LRBA: variants seen among roughly 807,000 people sequenced by gnomAD.
The protein encoded by LRBA is lipopolysaccharide-responsive and beige-like anchor protein.
In LRBA, 176 loss-of-function variants were observed where a neutral mutation model predicts 330.0. The observed-to-expected ratio is 0.53, with a 90% CI of 0.47 to 0.60. LRBA has a LOEUF of 0.60. Among genes scored for constraint, LRBA ranks in the 20% least tolerant of loss-of-function variants. The pLI is 0.00. For missense variants in LRBA, 3,259 were observed against 3,444.8 expected (o/e 0.95, Z 1.35); for synonymous variants, 1,230 against 1,193.0 (o/e 1.03, Z -0.64).
intron 35 of LRBA, 32 bp from the exon 36 acceptor site, chr4:150,735,398 A>ATG: frequency 1.6e-6 from 2 of 1,284,090 alleles, no homozygotes; most frequent in Non-Finnish European, 2.3e-6. Flanking sequence ...AAATAAATAT[A>ATG]TGTATACACA....
intron 53 of LRBA, among the ~76,000 whole-genome samples, chr4:150,288,684 C>T (rs1388710113): frequency 2.0e-5 from 3 of 151,164 alleles, no homozygotes; most frequent in African/African-American, 4.9e-5. Context: ...AAATACCATA[C>T]AATGTTGTTT....
chr4:150,948,851 A>T (rs534362695), intron 2 of LRBA, among the ~76,000 whole-genome samples: 298 of 152,094 alleles, frequency 2.0e-3, no homozygotes, highest in Middle Eastern at 0.01. Flanking sequence ...GTCTAACATC[A>T]TTAGGCATTA....
chr4:150,269,010 A>AAAACTTAACTT (rs58937703), intron 56 of LRBA, among the ~76,000 whole-genome samples: 5 of 151,676 alleles, frequency 3.3e-5, no homozygotes, highest in African/African-American at 7.3e-5. Context: ...AAACAAAACA[A>AAAACTTAACTT]AAGAGCTAAT....
chr4:150,666,902 T>A (rs6852493), intron 37 of LRBA, among the ~76,000 whole-genome samples: 122,775 of 152,112 alleles, frequency 0.81, 52,957 homozygotes, highest in Non-Finnish European at 0.95. Flanking sequence ...ATTTCCTATT[T>A]CACATTTGAT....
intron 42 of LRBA, among the ~76,000 whole-genome samples, chr4:150,474,922 GT>G (rs1449731539): frequency 6.6e-6 from 1 of 152,120 alleles, no homozygotes; most frequent in Non-Finnish European, 1.5e-5. Context: ...CGTATTGGGA[GT>G]TTTTTGGTAG....
intron 41 of LRBA, among the ~76,000 whole-genome samples, chr4:150,489,177 G>GAATATATAATATATAATATATAAGAA (rs372286850): frequency 5.4e-5 from 1 of 18,420 alleles, no homozygotes; most frequent in African/African-American, 1.3e-4. Flanking sequence ...TTATATATAA[G>GAATATATAATATATAATATATAAGAA]TATATAATAT....
At chr4:150,704,551 ATTT>A (rs1233752509) in intron 36 of LRBA, among the ~76,000 whole-genome samples, 2 of 152,066 alleles carry the variant, frequency 1.3e-5, no homozygotes, top group African/African-American at 4.8e-5. Flanking sequence ...TTTTAAAAGA[ATTT>A]TTGATTTCAT....
intron 40 of LRBA, among the ~76,000 whole-genome samples, chr4:150,528,316 A>C (rs1262462848): frequency 1.3e-5 from 2 of 151,912 alleles, no homozygotes; most frequent in Non-Finnish European, 2.9e-5. Flanking sequence ...TGGCAAACAC[A>C]GTGGAACCCT....
intron 34 of LRBA, among the ~76,000 whole-genome samples, chr4:150,770,089 T>C (rs1560792641): frequency 6.6e-6 from 1 of 152,204 alleles, no homozygotes; most frequent in East Asian, 1.9e-4. Flanking sequence ...ACCCGATTTG[T>C]TGAGGGCCCG....
chr4:150,301,334 G>A lies in LRBA; in HGVS notation c.8017+1291C>T, dbSNP rs544818085. Among the ~76,000 whole-genome samples, 12 of 151,966 alleles carry A rather than the reference G, an allele frequency of 7.9e-5. No homozygotes were observed. In the East Asian group the frequency reaches 1.9e-3, roughly 24 times the overall value. On this transcript the variant is annotated intron_variant, in intron 53 of 56. Transcript: ENST00000651943. Reference sequence around the variant, plus strand: ...TGAAATACATGTACACCTACTCCCCGACATATACACACACTACAATTTGAT... The same window carrying A: ...TGAAATACATGTACACCTACTCCCCAACATATACACACACTACAATTTGAT...
intron 2 of LRBA, among the ~76,000 whole-genome samples, chr4:150,979,378 A>G (rs1740579022): frequency 6.6e-6 from 1 of 152,260 alleles, no homozygotes; most frequent in African/African-American, 2.4e-5. Flanking sequence ...GTCCTACAAG[A>G]AATGCTAAAG....
intron 2 of LRBA, among the ~76,000 whole-genome samples, chr4:150,973,166 G>GTTTT (rs1028529448): frequency 1.3e-5 from 2 of 151,858 alleles, no homozygotes; most frequent in African/African-American, 4.8e-5. Flanking sequence ...TTGTTTGTTT[G>GTTTT]TTTGTTTGTT....
At chr4:150,723,488 AG>A (rs1729220223) in intron 36 of LRBA, among the ~76,000 whole-genome samples, 1 of 152,138 alleles carries the variant, frequency 6.6e-6, no homozygotes, top group South Asian at 2.1e-4. Context: ...CTTGAAGGTA[AG>A]GATCCAGTCC....
chr4:150,344,129 T>C lies in LRBA; in HGVS notation c.7362+5863A>G, dbSNP rs543696292. On this transcript the variant is annotated intron_variant, in intron 48 of 56. Coordinates refer to ENST00000651943, the MANE Select transcript of LRBA (RefSeq NM_001364905.1). ...TCCTTTTGGATCTTTCCCATTAATA[T>C]AGAAACATAGTCCAATATTTACTCA... is the stretch of plus-strand genomic sequence containing the variant. 3.3e-5 allele frequency among the ~76,000 whole-genome samples: 5 copies of C among 152,298 alleles called. No homozygotes were observed. In the South Asian group the frequency reaches 8.3e-4, roughly 25 times the overall value.
intron 36 of LRBA, among the ~76,000 whole-genome samples, chr4:150,705,952 CG>C (rs927880349): frequency 1.3e-5 from 2 of 151,774 alleles, no homozygotes; most frequent in Non-Finnish European, 2.9e-5. Flanking sequence ...GACAAGGAAA[CG>C]TAATTACAAG....
chr4:150,416,842 T>C (rs1747835766), intron 46 of LRBA, among the ~76,000 whole-genome samples: 1 of 152,082 alleles, frequency 6.6e-6, no homozygotes, highest in African/African-American at 2.4e-5. Flanking sequence ...TGAGTCATAC[T>C]CTCATACCAT....
At chr4:150,315,296 G>C in intron 51 of LRBA, 1 of 521,614 alleles carries the variant, frequency 1.9e-6, no homozygotes, top group Non-Finnish European at 3.4e-6. Flanking sequence ...TACTTCATGC[G>C]CATTCTCAAT....
At chr4:150,548,338 T>C (rs1766103085) in intron 40 of LRBA, among the ~76,000 whole-genome samples, 1 of 152,164 alleles carries the variant, frequency 6.6e-6, no homozygotes, top group African/African-American at 2.4e-5. Context: ...TCTTCAACAG[T>C]AAGATGAGGA....
At chr4:150,826,698 G>A (rs1002522915) in intron 30 of LRBA, among the ~76,000 whole-genome samples, 1 of 151,928 alleles carries the variant, frequency 6.6e-6, no homozygotes, top group African/African-American at 2.4e-5. Flanking sequence ...TGAGGGTGTT[G>A]AAGTGGTCTA....
Sources: gnomAD v4.1 joint callset for allele counts (sites outside exome capture counted in the v4.1 genomes callset) on GRCh38, gnomAD v4.1.1 for gene constraint, MANE v1.5 for transcripts, NCBI Gene and HGNC (gene_info 2026-07-23, HGNC 2026-07-21) for gene names.